Variants in SIPA1L1 observed in about 807,000 individuals in gnomAD.
SIPA1L1 encodes signal induced proliferation associated 1 like 1, also known as signal-induced proliferation-associated 1-like protein 1.
A neutral mutation model predicts 162.7 loss-of-function variants in SIPA1L1; 26 were observed. The ratio of observed to expected loss-of-function variants is 0.16; its 90% CI spans 0.12 to 0.22. The LOEUF (loss-of-function observed/expected upper bound fraction) is 0.22. Ranked by LOEUF, SIPA1L1 falls within the 10% of genes least tolerant of loss-of-function variation. SIPA1L1 has a pLI of 1.00. For synonymous variants in SIPA1L1, 829 were observed against 837.4 expected (o/e 0.99, Z 0.17); for missense variants, 1,874 against 2,241.0 (o/e 0.84, Z 3.31).
intron 7 of SIPA1L1, 57 bp from the exon 8 acceptor site, chr14:71,650,278 A>C (rs1381037330): frequency 1.9e-6 from 3 of 1,579,866 alleles, no homozygotes; most frequent in Non-Finnish European, 2.6e-6. Context: ...TTAGCATTTG[A>C]CTGGGACAAA....
At chr14:71,351,618 A>G (rs2036716640) in intron 2 of SIPA1L1, among the ~76,000 whole-genome samples, 2 of 151,890 alleles carry the variant, frequency 1.3e-5, no homozygotes, top group African/African-American at 4.8e-5. Context: ...ACGGTTTATT[A>G]TTACCATAAA....
rs551408811 is a variant in SIPA1L1, at chr14:71,505,106, T to C, written c.-464-7637T>C. Among the ~76,000 whole-genome samples, 50 of 152,206 alleles carry C rather than the reference T, an allele frequency of 3.3e-4. 1 individual carries two copies. Among genetic ancestry groups the C allele is most frequent in the Non-Finnish European group, 6.0e-4 (41 of 68,042 alleles). ...TACTGACCATTCACTTTCCTTAATA[T>C]TTTGTAGTTTAAAAAACTTTTCTCA... On this transcript the variant is annotated intron_variant, in intron 2 of 23. Coordinates refer to ENST00000381232, the MANE Select transcript of SIPA1L1 (RefSeq NM_001386936.1).
intron 2 of SIPA1L1, among the ~76,000 whole-genome samples, chr14:71,371,046 T>G (rs965114101): frequency 3.3e-5 from 5 of 152,072 alleles, no homozygotes; most frequent in African/African-American, 1.2e-4. Flanking sequence ...GGCCACTAAA[T>G]GGGGGAAGTT....
intron 7 of SIPA1L1, among the ~76,000 whole-genome samples, chr14:71,637,771 C>T (rs1236753199): frequency 1.3e-5 from 2 of 151,594 alleles, no homozygotes; most frequent in African/African-American, 4.8e-5. Flanking sequence ...GAGGGAAAAA[C>T]ATGGTATATA....
At chr14:71,439,403 A>G (rs527350495) in intron 2 of SIPA1L1, among the ~76,000 whole-genome samples, 1 of 152,340 alleles carries the variant, frequency 6.6e-6, no homozygotes, top group East Asian at 1.9e-4. Context: ...TGATTCTGAA[A>G]TGTTGGAAAT....
At chr14:71,581,625 GT>G (rs528879649) in intron 4 of SIPA1L1, among the ~76,000 whole-genome samples, 2 of 152,012 alleles carry the variant, frequency 1.3e-5, no homozygotes, top group South Asian at 4.1e-4. Flanking sequence ...GGGTGAATAA[GT>G]TTTTTTAATG....
chr14:71,358,613 G>A (rs867922483), intron 2 of SIPA1L1, among the ~76,000 whole-genome samples: 9 of 152,138 alleles, frequency 5.9e-5, no homozygotes, highest in African/African-American at 2.2e-4. Flanking sequence ...TTAACAGCCT[G>A]TCCTTTTTCT....
chr14:71,440,125 A>AGT (rs2044717928), intron 2 of SIPA1L1, among the ~76,000 whole-genome samples: 1 of 152,126 alleles, frequency 6.6e-6, no homozygotes, highest in Admixed American at 6.5e-5. Context: ...TCCCAGGTTG[A>AGT]AGCAATTTTC....
Position 71,341,771 on chromosome 14 carries a change from C to T in SIPA1L1, c.-465+20590C>T, listed in dbSNP as rs552371610. Among the ~76,000 whole-genome samples, 7 of 152,186 alleles carry T rather than the reference C, an allele frequency of 4.6e-5. No individual in the cohort carries two copies. In the South Asian group the frequency reaches 1.5e-3, roughly 32 times the overall value. On this transcript the variant is annotated intron_variant, in intron 2 of 23. Transcript: ENST00000381232. ...CATGTGGTATTTGCTTTTTCTTTTCCTGCTTTAATTTGCTTAGAATAACGG... is the reference window on the plus strand; with the variant it reads ...CATGTGGTATTTGCTTTTTCTTTTCTTGCTTTAATTTGCTTAGAATAACGG...
At chr14:71,331,517 GTTTGCAAAGTAC>G (rs1258623227) in intron 2 of SIPA1L1, among the ~76,000 whole-genome samples, 1 of 152,184 alleles carries the variant, frequency 6.6e-6, no homozygotes, top group Non-Finnish European at 1.5e-5. Flanking sequence ...AGCACTTCCG[GTTTGCAAAGTAC>G]TTTCACACAT....
At chr14:71,383,444 C>T (rs976452966) in intron 2 of SIPA1L1, among the ~76,000 whole-genome samples, 5 of 152,140 alleles carry the variant, frequency 3.3e-5, no homozygotes, top group African/African-American at 1.2e-4. Context: ...TTAAGCACAT[C>T]CTCTCATTTC....
chr14:71,410,447 G>A (rs1056096083), intron 2 of SIPA1L1, among the ~76,000 whole-genome samples: 6 of 152,132 alleles, frequency 3.9e-5, no homozygotes, highest in Non-Finnish European at 7.4e-5. Context: ...TGAATGGTTG[G>A]CCCCTAAACG....
rs556752156 is a variant in SIPA1L1 at position 71,597,031 on chromosome 14, G to A, written c.1498+7661G>A. Among the ~76,000 whole-genome samples the A allele has an allele frequency of 1.4e-4, 21 of 152,170 alleles. No homozygotes were observed. The South Asian group carries it at 2.1e-3, about 15-fold the overall frequency. ...CTGTCACAGGCTGGAGTGCAGTGGC[G>A]TGATTATGGCTCACTGCAGCCTCAA... On this transcript the variant is annotated intron_variant, in intron 5 of 23. Coordinates refer to ENST00000381232, the MANE Select transcript of SIPA1L1 (RefSeq NM_001386936.1).
chr14:71,521,981 A>G (rs939471163), intron 3 of SIPA1L1, among the ~76,000 whole-genome samples: 9 of 152,038 alleles, frequency 5.9e-5, no homozygotes, highest in Admixed American at 2.6e-4. Flanking sequence ...TAAGTCTGTC[A>G]TCTGGGATCA....
At chr14:71,572,500 GA>G (rs1228271132) in intron 4 of SIPA1L1, among the ~76,000 whole-genome samples, 1 of 152,152 alleles carries the variant, frequency 6.6e-6, no homozygotes, top group East Asian at 1.9e-4. Context: ...ATTAAGAAAA[GA>G]AGAAATGAAA....
intron 5 of SIPA1L1, among the ~76,000 whole-genome samples, 182 bp downstream of exon 5, chr14:71,589,552 T>C (rs535784929): frequency 6.6e-6 from 1 of 152,340 alleles, no homozygotes; most frequent in Non-Finnish European, 1.5e-5. Flanking sequence ...TTGAGTTACT[T>C]TCTCCTTTCA....
chr14:71,357,238 G>T (rs1408359614), intron 2 of SIPA1L1, among the ~76,000 whole-genome samples: 1 of 152,028 alleles, frequency 6.6e-6, no homozygotes, highest in Non-Finnish European at 1.5e-5. Flanking sequence ...ATTTTTAATA[G>T]ATGGCTATTT....
intron 7 of SIPA1L1, among the ~76,000 whole-genome samples, chr14:71,647,559 G>C (rs1596626845): frequency 6.6e-6 from 1 of 152,038 alleles, no homozygotes; most frequent in East Asian, 1.9e-4. Flanking sequence ...GCAAGCGAAG[G>C]CTGTTCTGGA....
At chr14:71,536,439 C>G (rs1014982726) in intron 4 of SIPA1L1, among the ~76,000 whole-genome samples, 1 of 152,212 alleles carries the variant, frequency 6.6e-6, no homozygotes, top group African/African-American at 2.4e-5. Flanking sequence ...ATAAACAGAG[C>G]AAATGATGAG....
Sources: gnomAD v4.1 joint callset for allele counts (sites outside exome capture counted in the v4.1 genomes callset) on GRCh38, gnomAD v4.1.1 for gene constraint, MANE v1.5 for transcripts, NCBI Gene and HGNC (gene_info 2026-07-23, HGNC 2026-07-21) for gene names.